The following SPART variants were observed in gnomAD, a reference collection of about 807,000 sequenced individuals.
SPART encodes spastic paraplegia 20 (Troyer syndrome).
A neutral mutation model predicts 58.7 loss-of-function variants in SPART; 35 were observed. That is an observed-to-expected ratio of 0.60 (90% CI 0.46 to 0.79). The LOEUF (loss-of-function observed/expected upper bound fraction) is 0.79. SPART is among the 30% of genes least tolerant of loss of function. SPART has a pLI of 0.00. For missense variants in SPART, 730 were observed against 786.1 expected (o/e 0.93, Z 0.85); for synonymous variants, 284 against 280.7 (o/e 1.01, Z -0.12).
intron 1 of SPART, among the ~76,000 whole-genome samples, chr13:36,342,552 G>A (rs1379805431): frequency 1.3e-5 from 2 of 151,906 alleles, no homozygotes; most frequent in Non-Finnish European, 2.9e-5. Flanking sequence ...TTTTGGGTTG[G>A]ATAATGCTTT....
chr13:36,333,849 G>C (rs1883702627), intron 2 of SPART, among the ~76,000 whole-genome samples: 1 of 152,006 alleles, frequency 6.6e-6, no homozygotes, highest in Non-Finnish European at 1.5e-5. Flanking sequence ...TAACCTTAAG[G>C]CTCCTTCCTT....
At chr13:36,368,907 G>A (rs1158459732) in intron 1 of SPART, among the ~76,000 whole-genome samples, 2 of 152,214 alleles carry the variant, frequency 1.3e-5, no homozygotes, top group Non-Finnish European at 2.9e-5. Context: ...GCTGAGGCAT[G>A]AGAATCGCTT....
Position 36,346,322 on chromosome 13 carries a change from C to A in SPART, c.-100G>T, listed in dbSNP as rs977668653. The stretch of plus-strand genomic sequence containing the variant: ...AGCTCCCACTCCCTTACACTGGGCG[C>A]CGCTGCGCTCGCCGGGGGCCGGTCC... On this transcript the variant is annotated 5_prime_UTR_variant, in exon 1 of 9. Coordinates refer to ENST00000438666, the MANE Select transcript of SPART (RefSeq NM_015087.5). 5.3e-5 allele frequency: 8 copies of A among 152,206 alleles called. No individual in the cohort carries two copies. The highest frequency in any genetic ancestry group is 1.9e-4 in the African/African-American group (8 of 41,444). 9.4% of individuals were successfully genotyped at this position (152,206 alleles called of 1,614,324 possible).
chr13:36,320,106 C>G (rs1328800209), intron 5 of SPART, among the ~76,000 whole-genome samples: 1 of 152,154 alleles, frequency 6.6e-6, no homozygotes, highest in African/African-American at 2.4e-5. Flanking sequence ...GCTGCTGCTG[C>G]TTTAATACTT....
chr13:36,369,777 ATAT>A (rs1172907029), intron 1 of SPART, among the ~76,000 whole-genome samples: 5 of 152,144 alleles, frequency 3.3e-5, no homozygotes, highest in African/African-American at 1.2e-4. Flanking sequence ...AATTCACCAA[ATAT>A]TTATAGAGAC....
rs190017917 is a variant in SPART, at chr13:36,367,426, A to G, written c.-3+2663T>C. 4.8e-3 allele frequency among the ~76,000 whole-genome samples: 729 copies of G among 152,230 alleles called. 5 individuals carry two copies. Among genetic ancestry groups the G allele is most frequent in the Non-Finnish European group, 8.1e-3 (554 of 68,010 alleles). The stretch of plus-strand genomic sequence containing the variant: ...TAGTCAAACGAATCCCCTGAGCCCT[A>G]TGCAAATCAAACACCGCCTCCTCCA... On this transcript the variant is annotated intron_variant, in intron 1 of 8. Transcript: ENST00000355182.
intron 8 of SPART, among the ~76,000 whole-genome samples, chr13:36,311,216 G>A (rs1393888630): frequency 6.6e-6 from 1 of 152,162 alleles, no homozygotes; most frequent in African/African-American, 2.4e-5. Context: ...AAACATTCAC[G>A]AGATTTTTTC....
intron 5 of SPART, among the ~76,000 whole-genome samples, chr13:36,319,729 TC>T (rs1882163792): frequency 7.1e-6 from 1 of 140,710 alleles, no homozygotes; most frequent in Non-Finnish European, 1.6e-5. Context: ...GCACCCTTCA[TC>T]CCAGCCTTTC....
At chr13:36,365,603 A>T in intron 1 of SPART, 1 of 470,098 alleles carries the variant, frequency 2.1e-6, no homozygotes, top group Non-Finnish European at 4.4e-6. Context: ...GATATTGGTC[A>T]TGTATGTTGA....
At chr13:36,355,051 ATATT>A (rs1885569995) in intron 1 of SPART, among the ~76,000 whole-genome samples, 2 of 152,226 alleles carry the variant, frequency 1.3e-5, no homozygotes, top group African/African-American at 4.8e-5. Context: ...CATTCAAACA[ATATT>A]TATTAAGCAC....
intron 5 of SPART, among the ~76,000 whole-genome samples, chr13:36,322,662 A>T (rs1340255214): frequency 1.3e-5 from 2 of 151,930 alleles, no homozygotes; most frequent in Non-Finnish European, 2.9e-5. Flanking sequence ...AGAGAGGGGG[A>T]AAATTGGCAG....
chr13:36,342,848 G>A (rs7335635), intron 1 of SPART, among the ~76,000 whole-genome samples: 51,286 of 152,010 alleles, frequency 0.34, 9,480 homozygotes, highest in Non-Finnish European at 0.42. Context: ...AAACTGATCT[G>A]CCTGAGAATA....
chr13:36,321,186 C>T (rs1031200271), intron 5 of SPART, among the ~76,000 whole-genome samples: 7 of 152,164 alleles, frequency 4.6e-5, no homozygotes, highest in East Asian at 1.9e-4. Context: ...TCCCTACTAT[C>T]TTCTGTCTAC....
intron 4 of SPART, among the ~76,000 whole-genome samples, chr13:36,328,041 T>C (rs1161248011): frequency 2.0e-5 from 3 of 152,314 alleles, no homozygotes; most frequent in Non-Finnish European, 4.4e-5. Flanking sequence ...CACATAATTA[T>C]GTGGACAGGA....
intron 5 of SPART, among the ~76,000 whole-genome samples, chr13:36,322,539 G>A (rs531029984): frequency 1.3e-5 from 2 of 152,108 alleles, no homozygotes; most frequent in African/African-American, 2.4e-5. Context: ...AGATTATATA[G>A]AACCCAACTT....
intron 1 of SPART, among the ~76,000 whole-genome samples, chr13:36,339,232 G>C (rs942029524): frequency 6.6e-6 from 1 of 151,880 alleles, no homozygotes. Flanking sequence ...TATTTAAAAC[G>C]CAGGAAGGAA....
chr13:36,316,777 G>A (rs142435841), intron 5 of SPART, among the ~76,000 whole-genome samples: 5 of 152,084 alleles, frequency 3.3e-5, no homozygotes, highest in African/African-American at 1.2e-4. Flanking sequence ...ATGAAATTTG[G>A]TGCCGTGACT....
chr13:36,303,099 T>C lies in SPART; in HGVS notation c.*1266A>G, dbSNP rs1267296434. 1 of 152,196 alleles carries C rather than the reference T, an allele frequency of 6.6e-6. No homozygotes were observed. Among genetic ancestry groups the C allele is most frequent in the Non-Finnish European group, 1.5e-5 (1 of 68,032 alleles). 9.4% of individuals were successfully genotyped at this position (152,196 alleles called of 1,614,324 possible). A position where few individuals can be genotyped will look rare whatever the true frequency, so the allele number is the denominator to read the frequency against. On this transcript the variant is annotated 3_prime_UTR_variant, in exon 9 of 9. Coordinates refer to ENST00000438666, the MANE Select transcript of SPART (RefSeq NM_015087.5). ...TGGCCTTAGGAAAAGCCTCCATCAG[T>C]TCTATGTGTTCCCAAAATATAAGCT... is the stretch of plus-strand genomic sequence containing the variant.
rs1883244270 is a variant in SPART at position 36,329,341 on chromosome 13, ACTTATTACT to A, written c.1164+12_1164+20del. ...GGTACCATTAGAAGACAACACACAC[ACTTATTACT>A]CTTTTATTTACCCTTTTTCCACGTT... is the stretch of plus-strand genomic sequence containing the variant. On this transcript the variant is annotated intron_variant, in intron 4 of 8. Transcript: ENST00000438666. The A allele has an allele frequency of 6.2e-7, 1 of 1,613,118 alleles. No homozygotes were observed. Among genetic ancestry groups the A allele is most frequent in the Admixed American group, 1.7e-5 (1 of 60,010 alleles).
Sources: gnomAD v4.1 joint callset for allele counts (sites outside exome capture counted in the v4.1 genomes callset) on GRCh38, gnomAD v4.1.1 for gene constraint, MANE v1.5 for transcripts, NCBI Gene and HGNC (gene_info 2026-07-23, HGNC 2026-07-21) for gene names.